Variants in DOCK7 observed in about 807,000 individuals in gnomAD.
DOCK7 encodes the protein dedicator of cytokinesis protein 7.
Under a neutral mutation model 271.0 loss-of-function variants are expected in DOCK7, and 138 were observed. The ratio of observed to expected loss-of-function variants is 0.51; its 90% CI spans 0.44 to 0.59. DOCK7 has a LOEUF of 0.59. Among genes scored for constraint, DOCK7 ranks in the 20% least tolerant of loss-of-function variants. The probability of loss-of-function intolerance (pLI) is 0.00; values close to 1 mark genes in which losing one functional copy is unlikely to be tolerated. For synonymous variants in DOCK7, 823 were observed against 876.1 expected (o/e 0.94, Z 1.07); for missense variants, 2,066 against 2,592.4 (o/e 0.80, Z 4.41).
rs143189908 is a variant in DOCK7 at position 62,597,642 on chromosome 1, T to C, written c.1683-11018A>G. 44 of 1,613,360 alleles carry C rather than the reference T, an allele frequency of 2.7e-5. No individual in the cohort carries two copies. The African/African-American group carries it at 4.9e-4, about 18-fold the overall frequency. On this transcript the variant is annotated intron_variant, in intron 14 of 49. Transcript: ENST00000635253. ...CAGAATTGATCAAGACAATTCATCA[T>C]TTGATTCTCTATCTCCAGAGCCAAA...
chr1:62,585,635 C>T (rs1271782995), intron 15 of DOCK7, among the ~76,000 whole-genome samples: 1 of 152,152 alleles, frequency 6.6e-6, no homozygotes, highest in East Asian at 1.9e-4. Context: ...TGTTCACAGG[C>T]ATTCCCCAAC....
chr1:62,682,382 C>G (rs1257923157), intron 1 of DOCK7, among the ~76,000 whole-genome samples: 2 of 152,078 alleles, frequency 1.3e-5, no homozygotes, highest in African/African-American at 4.8e-5. Flanking sequence ...AAAGGATGTC[C>G]AACGCAGCTT....
intron 37 of DOCK7, among the ~76,000 whole-genome samples, chr1:62,497,229 T>C (rs1412096667): frequency 6.6e-6 from 1 of 152,180 alleles, no homozygotes; most frequent in African/African-American, 2.4e-5. Flanking sequence ...ATTCCTTGGT[T>C]ATTCTTCCTA....
At position 62,539,631 on chromosome 1, in the gene DOCK7, T is replaced by C. The variant is rs1304719150; in HGVS notation, c.3214A>G (p.Thr1072Ala). 1 of 1,613,852 alleles carries C rather than the reference T, an allele frequency of 6.2e-7. No homozygotes were observed. Among genetic ancestry groups the C allele is most frequent in the Admixed American group, 1.7e-5 (1 of 59,988 alleles). Residue 1072 changes from threonine to alanine, a missense_variant, in exon 27 of 50, where the codon ACA (threonine) becomes GCA (alanine). Thr to Ala is a moderately conservative substitution (Grantham distance 58, BLOSUM62 0). Coordinates refer to ENST00000635253, the MANE Select transcript of DOCK7 (RefSeq NM_001367561.1). The part of the protein sequence containing the change: ...KDTEMVERLN[T>A]SLAFFLNDLL... ...TCATTGAGAAAGAATGCAAGGCTTG[T>C]ATTGAGTCTCTCAACCATTTCTGTG...
At chr1:62,636,923 T>C (rs1286302142) in intron 7 of DOCK7, among the ~76,000 whole-genome samples, 1 of 152,230 alleles carries the variant, frequency 6.6e-6, no homozygotes, top group Non-Finnish European at 1.5e-5. Flanking sequence ...TATGTAGATA[T>C]GTTCATTTTT....
chr1:62,571,703 C>T (rs113783086), intron 18 of DOCK7, among the ~76,000 whole-genome samples: 145 of 152,214 alleles, frequency 9.5e-4, no homozygotes, highest in African/African-American at 3.4e-3. Flanking sequence ...ACATATACAC[C>T]GTGGAATACT....
chr1:62,463,721 A>G (rs754596631), intron 48 of DOCK7, among the ~76,000 whole-genome samples: 1 of 152,328 alleles, frequency 6.6e-6, no homozygotes, highest in Middle Eastern at 3.4e-3. Context: ...AAAATGCAAA[A>G]CAAAATATGT....
rs1474958197 is a variant in DOCK7, at chr1:62,475,763, T to C, written c.5905A>G (p.Thr1969Ala). The C allele has an allele frequency of 1.9e-6, 3 of 1,613,958 alleles. No individual in the cohort carries two copies. Among genetic ancestry groups the C allele is most frequent in the Non-Finnish European group, 2.5e-6 (3 of 1,179,936 alleles). ...EQFKRKTILT[T>A]SHAFPYIKTR... ...TTAATATAAGGAAAGGCATGAGACG[T>C]AGTCAGAATGGTCTTCCTTTTGAAT... is the stretch of plus-strand genomic sequence containing the variant. Residue 1969 changes from threonine (T) to alanine (A), a missense_variant, in exon 46 of 50, where the codon ACG becomes GCG. Transcript: ENST00000635253.
chr1:62,669,087 T>C (rs1301106001), intron 1 of DOCK7, among the ~76,000 whole-genome samples: 1 of 152,156 alleles, frequency 6.6e-6, no homozygotes, highest in Admixed American at 6.5e-5. Context: ...CAATTGAGTG[T>C]CTAAATCTGT....
chr1:62,504,823 TAA>T (rs1404854096), intron 36 of DOCK7, 41 bp from the exon 37 acceptor site: 3 of 1,598,154 alleles, frequency 1.9e-6, no homozygotes, highest in African/African-American at 1.3e-5. Context: ...ATTTTTACAG[TAA>T]AAGTTTCTGA....
At chr1:62,583,414 T>C (rs561996470) in intron 15 of DOCK7, among the ~76,000 whole-genome samples, 160 bp from the exon 16 acceptor site, 2 of 152,356 alleles carry the variant, frequency 1.3e-5, no homozygotes, top group South Asian at 2.1e-4. Flanking sequence ...AAAAGTTCAA[T>C]TGCTTAACTA....
intron 48 of DOCK7, among the ~76,000 whole-genome samples, chr1:62,459,832 G>A (rs572734120): frequency 3.3e-5 from 5 of 152,200 alleles, no homozygotes; most frequent in Non-Finnish European, 7.4e-5. Context: ...GGGTGCAGTG[G>A]CTCATGTCTG....
rs1645304089 is a variant in DOCK7 at position 62,454,829 on chromosome 1, A to G, written c.*585T>C. On this transcript the variant is annotated 3_prime_UTR_variant, in exon 50 of 50. Transcript: ENST00000635253. ...AGGTTTTACTAAGTAAAGTTCTGCA[A>G]TTCTAAATTCCTGTTTTGGGTATGT... is the stretch of plus-strand genomic sequence containing the variant. 5.2e-6 allele frequency: 1 copy of G among 192,542 alleles called. No individual in the cohort carries two copies. Among genetic ancestry groups the G allele is most frequent in the South Asian group, 1.9e-4 (1 of 5,196 alleles). 11.9% of individuals were successfully genotyped at this position (192,542 alleles called of 1,614,324 possible).
chr1:62,634,791 A>T lies in DOCK7; in HGVS notation c.1017T>A (p.Asp339Glu), dbSNP rs377206479. The T allele has an allele frequency of 3.1e-6, 5 of 1,612,236 alleles. No individual in the cohort carries two copies. The highest frequency in any genetic ancestry group is 4.2e-6 in the Non-Finnish European group (5 of 1,179,188). ...AIFSITYPSQ[D>E]VFLVIKLEKV... ...TTCTCACCTTTATTACAAGAAAAACATCTTGGGAAGGATAAGTGATAGAAA... is the reference window on the plus strand; with the variant it reads ...TTCTCACCTTTATTACAAGAAAAACTTCTTGGGAAGGATAAGTGATAGAAA... Residue 339 changes from aspartate (D) to glutamate (E), a missense_variant, in exon 9 of 50, where the codon GAT (aspartate) becomes GAA (glutamate). Physicochemically the swap from Asp to Glu is conservative, Grantham distance 45 (BLOSUM62 2). Coordinates refer to ENST00000635253, the MANE Select transcript of DOCK7 (RefSeq NM_001367561.1).
At chr1:62,654,416 T>C (rs1018564215) in intron 2 of DOCK7, among the ~76,000 whole-genome samples, 2 of 152,114 alleles carry the variant, frequency 1.3e-5, no homozygotes, top group Non-Finnish European at 2.9e-5. Context: ...AAAACACTAG[T>C]AAGAATTAAC....
intron 18 of DOCK7, among the ~76,000 whole-genome samples, chr1:62,576,040 G>C (rs1646933471): frequency 6.6e-6 from 1 of 152,086 alleles, no homozygotes; most frequent in Admixed American, 6.6e-5. Flanking sequence ...AGGAGGGAGA[G>C]TCATATTTCT....
intron 22 of DOCK7, among the ~76,000 whole-genome samples, chr1:62,551,629 C>T (rs1046738704): frequency 1.8e-4 from 27 of 151,988 alleles, no homozygotes; most frequent in African/African-American, 6.3e-4. Context: ...AAATTATATA[C>T]ATTATTAGTG....
intron 1 of DOCK7, among the ~76,000 whole-genome samples, chr1:62,668,036 A>C (rs1243787003): frequency 2.0e-5 from 3 of 152,048 alleles, no homozygotes; most frequent in Non-Finnish European, 4.4e-5. Context: ...ACAAAATAAA[A>C]TAAATAAATA....
At chr1:62,609,810 G>A (rs2149561279) in intron 14 of DOCK7, among the ~76,000 whole-genome samples, 1 of 152,102 alleles carries the variant, frequency 6.6e-6, no homozygotes, top group East Asian at 1.9e-4. Context: ...ATGTTAAAAT[G>A]TTAGGAAATA....
Sources: allele counts gnomAD v4.1 joint callset (sites outside exome capture counted in the v4.1 genomes callset), GRCh38; gene constraint gnomAD v4.1.1; transcripts MANE v1.5; gene names NCBI Gene and HGNC (gene_info 2026-07-23, HGNC 2026-07-21).